Variants in CERS3 observed in about 807,000 individuals in gnomAD.
CERS3 encodes ceramide synthase 3.
A neutral mutation model predicts 50.3 loss-of-function variants in CERS3; 33 were observed. That is an observed-to-expected ratio of 0.66 (90% CI 0.50 to 0.88). The LOEUF (loss-of-function observed/expected upper bound fraction) is 0.88. CERS3 is among the 40% of genes least tolerant of loss of function. CERS3 has a pLI of 0.00. For synonymous variants in CERS3, 176 were observed against 155.2 expected (o/e 1.13, Z -0.99); for missense variants, 470 against 460.3 (o/e 1.02, Z -0.19).
chr15:100,495,681 T>A (rs1465173144), intron 3 of CERS3, among the ~76,000 whole-genome samples: 1 of 152,226 alleles, frequency 6.6e-6, no homozygotes, highest in African/African-American at 2.4e-5. Context: ...TGAATTTAAG[T>A]CCTTTATCAG....
intron 2 of CERS3, among the ~76,000 whole-genome samples, chr15:100,506,384 A>G (rs773066434): frequency 2.6e-5 from 4 of 151,744 alleles, no homozygotes; most frequent in Admixed American, 6.6e-5. Context: ...AGTCACACCC[A>G]TACCCAGAGA....
intron 1 of CERS3, among the ~76,000 whole-genome samples, chr15:100,534,915 G>A (rs779928478): frequency 1.8e-4 from 28 of 151,736 alleles, no homozygotes; most frequent in Non-Finnish European, 2.1e-4. Flanking sequence ...GTCTCTTATC[G>A]ACCTATGACT....
chr15:100,476,591 T>C (rs949715236), intron 7 of CERS3, among the ~76,000 whole-genome samples: 12 of 152,224 alleles, frequency 7.9e-5, no homozygotes, highest in African/African-American at 2.4e-4. Flanking sequence ...TCTTAATCTC[T>C]TTTCTGGTGA....
chr15:100,484,835 T>C (rs534344059), intron 4 of CERS3, among the ~76,000 whole-genome samples, 167 bp from the exon 5 acceptor site: 12 of 152,306 alleles, frequency 7.9e-5, no homozygotes, highest in African/African-American at 2.6e-4. Flanking sequence ...TGGAATCACA[T>C]ATATGCACAC....
intron 4 of CERS3, among the ~76,000 whole-genome samples, chr15:100,485,473 T>G (rs1344692069): frequency 6.6e-6 from 1 of 152,236 alleles, no homozygotes; most frequent in African/African-American, 2.4e-5. Flanking sequence ...GATTTTAACA[T>G]AGGCAAGTTT....
chr15:100,513,854 C>G (rs975139008), intron 2 of CERS3, among the ~76,000 whole-genome samples: 1 of 152,094 alleles, frequency 6.6e-6, no homozygotes, highest in Non-Finnish European at 1.5e-5. Flanking sequence ...GTGCATAGGC[C>G]ATTCCTTCTG....
At chr15:100,510,590 C>T (rs1403512902) in intron 2 of CERS3, among the ~76,000 whole-genome samples, 2 of 152,210 alleles carry the variant, frequency 1.3e-5, no homozygotes, top group East Asian at 3.9e-4. Flanking sequence ...TGGCTGCCCG[C>T]TCCATGAGGC....
chr15:100,451,759 A>G (rs1281895729), intron 11 of CERS3, among the ~76,000 whole-genome samples: 2 of 152,088 alleles, frequency 1.3e-5, no homozygotes, highest in Non-Finnish European at 2.9e-5. Flanking sequence ...CAAAACATAT[A>G]GACTAAAAGT....
intron 11 of CERS3, among the ~76,000 whole-genome samples, chr15:100,422,415 C>T (rs1163961500): frequency 9.6e-6 from 1 of 103,936 alleles, no homozygotes; most frequent in Non-Finnish European, 2.0e-5. Flanking sequence ...GAATGGCGAT[C>T]ATTAAAAAGT....
At chr15:100,417,347 C>G (rs955287900) in intron 11 of CERS3, among the ~76,000 whole-genome samples, 3 of 152,148 alleles carry the variant, frequency 2.0e-5, no homozygotes, top group African/African-American at 7.2e-5. Flanking sequence ...TCGGGTCACT[C>G]CCACCCTAAT....
chr15:100,429,200 G>C (rs1372032901), intron 11 of CERS3, among the ~76,000 whole-genome samples: 1 of 152,210 alleles, frequency 6.6e-6, no homozygotes, highest in Non-Finnish European at 1.5e-5. Context: ...CAAGGTGTTT[G>C]TCCTCAGTGA....
chr15:100,443,084 C>T (rs946190746), intron 11 of CERS3, among the ~76,000 whole-genome samples: 6 of 151,970 alleles, frequency 3.9e-5, no homozygotes, highest in Admixed American at 3.3e-4. Context: ...ATCTGCTTCC[C>T]TGACTATTCC....
rs2030499501 is a variant in CERS3 at position 100,401,225 on chromosome 15, A to T, written c.*1488T>A. The T allele has an allele frequency of 6.6e-6, 1 of 152,094 alleles. No individual in the cohort carries two copies. The highest frequency in any genetic ancestry group is 1.5e-5 in the Non-Finnish European group (1 of 68,020). The allele number at this position is 152,094 out of a possible 1,614,324, so 9.4% of individuals were successfully genotyped here. A position where few individuals can be genotyped will look rare whatever the true frequency, so the allele number is the denominator to read the frequency against. ...AAATAGGATGAACATACAAAATCTG[A>T]CCGTTATGAGAGACTGTGCCAGGTG... is the stretch of plus-strand genomic sequence containing the variant. On this transcript the variant is annotated 3_prime_UTR_variant, in exon 12 of 12. Coordinates refer to ENST00000679737, the MANE Select transcript of CERS3 (RefSeq NM_001378789.1).
intron 10 of CERS3, among the ~76,000 whole-genome samples, chr15:100,461,686 A>G (rs2034555893): frequency 6.6e-6 from 1 of 152,052 alleles, no homozygotes; most frequent in African/African-American, 2.4e-5. Flanking sequence ...TTAGAGCAAC[A>G]CCCCCCAAGA....
At chr15:100,541,783 G>T (rs1332588378) in intron 1 of CERS3, among the ~76,000 whole-genome samples, 2 of 152,108 alleles carry the variant, frequency 1.3e-5, no homozygotes, top group Non-Finnish European at 2.9e-5. Flanking sequence ...GTAGTAACAT[G>T]TCACAATATT....
At chr15:100,411,643 A>G (rs1476253924) in intron 11 of CERS3, among the ~76,000 whole-genome samples, 1 of 152,144 alleles carries the variant, frequency 6.6e-6, no homozygotes, top group Admixed American at 6.5e-5. Context: ...CCTGCTTTCA[A>G]TTCTTTTAGA....
chr15:100,419,661 A>C (rs1288714500), intron 11 of CERS3, among the ~76,000 whole-genome samples: 1 of 151,722 alleles, frequency 6.6e-6, no homozygotes, highest in Non-Finnish European at 1.5e-5. Flanking sequence ...ACCTATTCCA[A>C]AATTGAGCAC....
At chr15:100,531,109 A>T (rs1357065448), upstream of CERS3, among the ~76,000 whole-genome samples, 1 of 152,144 alleles carries the variant, frequency 6.6e-6, no homozygotes, top group African/African-American at 2.4e-5. Context: ...CAAAAAACAA[A>T]AAAACCAATA....
At chr15:100,448,358 C>T (rs1200846476) in intron 11 of CERS3, among the ~76,000 whole-genome samples, 3 of 152,118 alleles carry the variant, frequency 2.0e-5, no homozygotes, top group East Asian at 1.9e-4. Context: ...AAGCCAAGAC[C>T]GTCTGCTCAG....
Sources: gnomAD v4.1 joint callset for allele counts (sites outside exome capture counted in the v4.1 genomes callset) on GRCh38, gnomAD v4.1.1 for gene constraint, MANE v1.5 for transcripts, NCBI Gene and HGNC (gene_info 2026-07-23, HGNC 2026-07-21) for gene names.